PDSS2: variants seen among roughly 807,000 people sequenced by gnomAD.
The protein encoded by PDSS2 is all trans-polyprenyl-diphosphate synthase PDSS2.
A neutral mutation model predicts 44.5 loss-of-function variants in PDSS2; 31 were observed. The observed-to-expected ratio is 0.70, with a 90% confidence interval of 0.52 to 0.94. PDSS2 has a LOEUF of 0.94. PDSS2 is among the 40% of genes least tolerant of loss of function. The pLI is 0.00. For missense variants in PDSS2, 452 were observed against 482.2 expected, an observed-to-expected ratio of 0.94 and a Z score of 0.59; for synonymous variants, 157 against 180.3, an observed-to-expected ratio of 0.87 and a Z score of 1.03.
intron 4 of PDSS2, among the ~76,000 whole-genome samples, chr6:107,239,138 ATGG>A (rs1331988692): frequency 6.6e-6 from 1 of 152,056 alleles, no homozygotes; most frequent in African/African-American, 2.4e-5. Context: ...TTAGCCGGGC[ATGG>A]TGGTACACAC....
chr6:107,310,284 CA>C (rs58991885), intron 2 of PDSS2, among the ~76,000 whole-genome samples: 55,945 of 89,944 alleles, frequency 0.62, 14,844 homozygotes, highest in Middle Eastern at 0.76. Context: ...GACTCCATCC[CA>C]AAAAAAAAAA....
At chr6:107,291,173 TTTAAG>T (rs1277463638) in intron 2 of PDSS2, among the ~76,000 whole-genome samples, 1 of 152,192 alleles carries the variant, frequency 6.6e-6, no homozygotes, top group African/African-American at 2.4e-5. Context: ...AGTCATTCAA[TTTAAG>T]TTGTGATAAT....
chr6:107,374,619 T>C (rs1376847863), intron 1 of PDSS2, among the ~76,000 whole-genome samples: 1 of 152,224 alleles, frequency 6.6e-6, no homozygotes, highest in African/African-American at 2.4e-5. Flanking sequence ...AGTGCCATGA[T>C]AGTGATTTGC....
At chr6:107,287,674 A>G (rs1402594713) in intron 2 of PDSS2, among the ~76,000 whole-genome samples, 1 of 151,946 alleles carries the variant, frequency 6.6e-6, no homozygotes, top group African/African-American at 2.4e-5. Context: ...GGCATACACC[A>G]CCACACCTGG....
chr6:107,224,586 T>C (rs1274132233), intron 4 of PDSS2, among the ~76,000 whole-genome samples: 1 of 151,408 alleles, frequency 6.6e-6, no homozygotes, highest in African/African-American at 2.5e-5. Flanking sequence ...CCTCTGCATA[T>C]ACAGTTAGAG....
At chr6:107,382,503 C>A (rs1177249940) in intron 1 of PDSS2, among the ~76,000 whole-genome samples, 1 of 152,124 alleles carries the variant, frequency 6.6e-6, no homozygotes, top group African/African-American at 2.4e-5. Context: ...AAGGGACAGA[C>A]AAACAGATCA....
At chr6:107,334,377 G>T (rs1406242906) in intron 1 of PDSS2, 45 bp from the exon 2 acceptor site, 5 of 1,578,420 alleles carry the variant, frequency 3.2e-6, no homozygotes, top group Non-Finnish European at 3.5e-6. Flanking sequence ...ACCCTCACGA[G>T]ATCATCAGAT....
chr6:107,161,233 A>C (rs1168572660), intron 7 of PDSS2, among the ~76,000 whole-genome samples: 2 of 151,496 alleles, frequency 1.3e-5, no homozygotes, highest in African/African-American at 2.4e-5. Context: ...GTAATCCCAG[A>C]ACTTTGGGAA....
chr6:107,363,063 T>A (rs886775357), intron 1 of PDSS2, among the ~76,000 whole-genome samples: 4 of 152,176 alleles, frequency 2.6e-5, no homozygotes, highest in South Asian at 4.1e-4. Flanking sequence ...AATAAAGGTG[T>A]CATTAAGAGT....
chr6:107,253,397 A>C (rs1318015253), intron 3 of PDSS2, among the ~76,000 whole-genome samples: 1 of 152,260 alleles, frequency 6.6e-6, no homozygotes, highest in Non-Finnish European at 1.5e-5. Flanking sequence ...AATAACTTTT[A>C]CATTTACTTT....
intron 3 of PDSS2, among the ~76,000 whole-genome samples, chr6:107,254,821 A>G (rs181910867): frequency 2.1e-4 from 32 of 152,318 alleles, no homozygotes; most frequent in African/African-American, 7.5e-4. Context: ...AGTGGCTTTC[A>G]ATACACATTG....
chr6:107,326,851 CAAA>C (rs1287392644), intron 2 of PDSS2, among the ~76,000 whole-genome samples: 1 of 100,114 alleles, frequency 1.0e-5, no homozygotes, highest in African/African-American at 3.8e-5. Flanking sequence ...GGCTCTGTCT[CAAA>C]AAAAAAAAAA....
intron 1 of PDSS2, among the ~76,000 whole-genome samples, chr6:107,352,153 T>C (rs969618466): frequency 2.6e-5 from 4 of 152,242 alleles, no homozygotes; most frequent in Non-Finnish European, 5.9e-5. Flanking sequence ...CCATAACTGT[T>C]AAGTTAGTAT....
At chr6:107,450,742 G>A (rs1227865903) in intron 1 of PDSS2, among the ~76,000 whole-genome samples, 1 of 152,174 alleles carries the variant, frequency 6.6e-6, no homozygotes, top group Non-Finnish European at 1.5e-5. Context: ...ATAGGTTTTG[G>A]TATGGACATA....
At chr6:107,427,565 T>A (rs910779327) in intron 1 of PDSS2, among the ~76,000 whole-genome samples, 11 of 152,232 alleles carry the variant, frequency 7.2e-5, no homozygotes, top group Admixed American at 6.5e-4. Flanking sequence ...TAATTAGAAA[T>A]CCATTCTTTT....
In PDSS2 at chr6:107,284,961, C is replaced by T. The variant is rs1021967674; in HGVS notation, c.432-10734G>A. On this transcript the variant is annotated intron_variant, in intron 2 of 7. Transcript: ENST00000369037. ...AGCTCTCTGAGGTAAGCTTTATTAT[C>T]TCTTCCGTACAGAAGGCAGCTAGGC... Among the ~76,000 whole-genome samples the T allele has an allele frequency of 3.0e-4, 46 of 152,154 alleles. 1 individual carries two copies. The highest frequency in any genetic ancestry group is 2.9e-3 in the Admixed American group (45 of 15,272).
intron 1 of PDSS2, among the ~76,000 whole-genome samples, chr6:107,387,730 C>T (rs1399396386): frequency 5.3e-5 from 8 of 152,186 alleles, no homozygotes; most frequent in Non-Finnish European, 1.0e-4. Flanking sequence ...ACTGACCATC[C>T]CTAGAGGCTT....
At chr6:107,455,393 T>C (rs1782004916) in intron 1 of PDSS2, among the ~76,000 whole-genome samples, 1 of 151,818 alleles carries the variant, frequency 6.6e-6, no homozygotes, top group Non-Finnish European at 1.5e-5. Flanking sequence ...AATGCAATAC[T>C]ACAGCCCCTA....
At chr6:107,222,129 C>T (rs907587338) in intron 4 of PDSS2, among the ~76,000 whole-genome samples, 7 of 152,016 alleles carry the variant, frequency 4.6e-5, no homozygotes, top group Non-Finnish European at 7.4e-5. Context: ...TTTGAATTAG[C>T]CTTTTCAATT....
Sources: gnomAD v4.1 joint callset for allele counts (sites outside exome capture counted in the v4.1 genomes callset) on GRCh38, gnomAD v4.1.1 for gene constraint, MANE v1.5 for transcripts, NCBI Gene and HGNC (gene_info 2026-07-23, HGNC 2026-07-21) for gene names.